Variants in ALG5 observed in about 807,000 individuals in gnomAD.
ALG5 encodes the protein ALG5 dolichyl-phosphate beta-glucosyltransferase.
ALG5 carries 26 observed loss-of-function variants against 51.8 expected under a neutral mutation model. The ratio of observed to expected loss-of-function variants is 0.50; its 90% CI spans 0.37 to 0.70. ALG5 has a LOEUF of 0.70. ALG5 is among the 30% of genes least tolerant of loss of function. The probability of loss-of-function intolerance (pLI) is 0.00; values close to 1 mark genes in which losing one functional copy is unlikely to be tolerated. For missense variants in ALG5, 311 were observed against 399.3 expected (o/e 0.78, Z 1.88); for synonymous variants, 141 against 136.1 (o/e 1.04, Z -0.25).
In ALG5 at chr13:36,989,563, T is replaced by C; in HGVS notation, c.368A>G (p.Tyr123Cys). ...KDQTSKVAFK[Y>C]CQKYGSDKVR... is the part of the protein sequence containing the mutation. Reference sequence around the variant, plus strand: ...TTTGTCACTTCCATATTTCTGGCAATATTTAAAAGCTACCTATGAAATTAT... The same window carrying C: ...TTTGTCACTTCCATATTTCTGGCAACATTTAAAAGCTACCTATGAAATTAT... The change falls in exon 5 of 10, where the codon TAT (tyrosine) becomes TGT (cysteine). Residue 123 changes from tyrosine to cysteine, a missense_variant. By Grantham distance (194) the Tyr-to-Cys change is radical. Transcript: ENST00000239891. 2 of 1,610,258 alleles carry C rather than the reference T, an allele frequency of 1.2e-6. No individual in the cohort carries two copies. Among genetic ancestry groups the C allele is most frequent in the South Asian group, 1.1e-5 (1 of 90,588 alleles).
chr13:36,995,567 T>C lies in ALG5; in HGVS notation c.96A>G (p.Thr32=), dbSNP rs1432067216. 3 of 1,604,462 alleles carry C rather than the reference T, an allele frequency of 1.9e-6. No individual in the cohort carries two copies. The African/African-American group carries it at 4.0e-5, about 22-fold the overall frequency. Residue 32 remains threonine, a synonymous_variant, in exon 2 of 10, where the codon ACA becomes ACG. Transcript: ENST00000239891. ...LISIVAFTTA[T]KMPALHRHEE... Reference sequence around the variant, plus strand: ...CATGTCGATGGAGTGCTGGCATTTTTGTAGCAGTTGTAAATGCAACGATGG... The same window carrying C: ...CATGTCGATGGAGTGCTGGCATTTTCGTAGCAGTTGTAAATGCAACGATGG...
chr13:36,953,584 GCA>G (rs1240882336), intron 8 of ALG5, among the ~76,000 whole-genome samples: 1 of 152,160 alleles, frequency 6.6e-6, no homozygotes, highest in African/African-American at 2.4e-5. Context: ...GCTGCACAGA[GCA>G]CAGTTCAAAC....
rs200730286 is a variant in ALG5 at position 36,993,676 on chromosome 13, C to T, written c.286-4G>A. ...AAGTGAACGCAGGATCTCGTTTCTG[C>T]AAGAAACAAAAATAAAGTAATACAA... On this transcript the variant is annotated splice_polypyrimidine_tract_variant and splice_region_variant and intron_variant, in intron 3 of 9. Coordinates refer to ENST00000239891, the MANE Select transcript of ALG5 (RefSeq NM_013338.5). The T allele has an allele frequency of 6.2e-7, 1 of 1,611,664 alleles. No homozygotes were observed.
At position 36,965,695 on chromosome 13, in the gene ALG5, C is replaced by G; in HGVS notation, c.653G>C (p.Gly218Ala). 4.3e-6 allele frequency: 7 copies of G among 1,613,798 alleles called. No individual in the cohort carries two copies. Among genetic ancestry groups the G allele is most frequent in the Non-Finnish European group, 5.9e-6 (7 of 1,179,884 alleles). Residue 218 changes from glycine (G) to alanine (A), a missense_variant, in exon 8 of 10, where the codon GGG becomes GCG. Transcript: ENST00000239891. ...AAGGAACCACACCAGAAAGTGGAAC[C>G]CATACATGAGAAGAGTACGGAAGTA... ...RSYFRTLLMY[G>A]FHFLVWFLCV...
chr13:36,964,392 T>TA (rs1194908727), intron 8 of ALG5, among the ~76,000 whole-genome samples: 1 of 151,972 alleles, frequency 6.6e-6, no homozygotes, highest in Non-Finnish European at 1.5e-5. Context: ...ATGGCGGTGG[T>TA]AGAGATGGAG....
intron 8 of ALG5, among the ~76,000 whole-genome samples, chr13:36,953,456 G>A (rs2058826732): frequency 6.6e-6 from 1 of 152,106 alleles, no homozygotes; most frequent in African/African-American, 2.4e-5. Flanking sequence ...TCTCTCACTG[G>A]TATTAAAGCT....
intron 4 of ALG5, among the ~76,000 whole-genome samples, 180 bp downstream of exon 4, chr13:36,993,424 C>G (rs944498488): frequency 6.6e-6 from 1 of 152,182 alleles, no homozygotes; most frequent in Non-Finnish European, 1.5e-5. Flanking sequence ...TTCAAAGCTT[C>G]CCTGGTCTTA....
intron 6 of ALG5, among the ~76,000 whole-genome samples, chr13:36,979,350 T>C (rs1045160757): frequency 6.6e-6 from 1 of 152,140 alleles, no homozygotes; most frequent in African/African-American, 2.4e-5. Flanking sequence ...CTAAAACAAA[T>C]GACTTTGGAG....
intron 6 of ALG5, among the ~76,000 whole-genome samples, chr13:36,982,108 C>A (rs534265115): frequency 6.6e-6 from 1 of 151,682 alleles, no homozygotes; most frequent in Non-Finnish European, 1.5e-5. Flanking sequence ...AACAAACAAA[C>A]AAACAACAAC....
chr13:36,991,132 C>CATT (rs543753035), intron 4 of ALG5, among the ~76,000 whole-genome samples: 148 of 152,248 alleles, frequency 9.7e-4, no homozygotes, highest in Middle Eastern at 6.8e-3. Flanking sequence ...GTACCGTGAA[C>CATT]ATTAGCAGTA....
intron 1 of ALG5, 52 bp downstream of exon 1, chr13:36,999,183 T>C: frequency 6.7e-7 from 1 of 1,490,122 alleles, no homozygotes; most frequent in Non-Finnish European, 9.0e-7. Context: ...AGCCGCAGTC[T>C]CCAGGAGAGC....
chr13:36,950,923 G>A (rs1041242785), intron 9 of ALG5, among the ~76,000 whole-genome samples: 2 of 152,034 alleles, frequency 1.3e-5, no homozygotes, highest in African/African-American at 4.8e-5. Context: ...TAGTATATAC[G>A]TGCAGATAAA....
intron 6 of ALG5, among the ~76,000 whole-genome samples, chr13:36,978,618 A>G (rs539297586): frequency 6.6e-6 from 1 of 151,434 alleles, no homozygotes; most frequent in Admixed American, 6.6e-5. Context: ...ATCAAGCACA[A>G]AGATGAATGT....
chr13:36,950,436 A>T (rs542741174), intron 9 of ALG5, among the ~76,000 whole-genome samples: 50 of 152,190 alleles, frequency 3.3e-4, no homozygotes, highest in Admixed American at 9.2e-4. Context: ...GATAAATATG[A>T]TTATTTCTAC....
intron 6 of ALG5, among the ~76,000 whole-genome samples, chr13:36,981,791 A>C (rs545533684): frequency 6.6e-6 from 1 of 152,338 alleles, no homozygotes; most frequent in African/African-American, 2.4e-5. Context: ...CTATGTTTAA[A>C]AACTGTAAGA....
At chr13:36,995,830 C>G (rs1275754500) in intron 1 of ALG5, among the ~76,000 whole-genome samples, 3 of 152,140 alleles carry the variant, frequency 2.0e-5, no homozygotes, top group African/African-American at 7.2e-5. Flanking sequence ...CCTTAGGAGG[C>G]TCTGTCTCTT....
intron 3 of ALG5, among the ~76,000 whole-genome samples, chr13:36,994,110 G>A (rs1333475889): frequency 2.0e-5 from 3 of 152,178 alleles, no homozygotes; most frequent in African/African-American, 7.2e-5. Flanking sequence ...ATTAAAAAAA[G>A]AGAACAGAAA....
At chr13:36,959,498 A>C (rs1047896148) in intron 8 of ALG5, among the ~76,000 whole-genome samples, 4 of 152,186 alleles carry the variant, frequency 2.6e-5, no homozygotes, top group Non-Finnish European at 5.9e-5. Flanking sequence ...AGAAGGACCT[A>C]CTGAATACTC....
chr13:36,972,861 G>C (rs145956726), intron 6 of ALG5, among the ~76,000 whole-genome samples: 1 of 151,664 alleles, frequency 6.6e-6, no homozygotes, highest in Non-Finnish European at 1.5e-5. Flanking sequence ...GCGTGGTGGC[G>C]GGCGCCTGTA....
Sources: allele counts gnomAD v4.1 joint callset (sites outside exome capture counted in the v4.1 genomes callset), GRCh38; gene constraint gnomAD v4.1.1; transcripts MANE v1.5; gene names NCBI Gene and HGNC (gene_info 2026-07-23, HGNC 2026-07-21).